ATOSA: variants seen among roughly 807,000 people sequenced by gnomAD.
The protein encoded by ATOSA is atos homolog protein A.
chr15:52,651,503 T>C, the ATOSA span, among the ~76,000 whole-genome samples: 1 of 152,224 alleles, frequency 6.6e-6, no homozygotes, highest in Non-Finnish European at 1.5e-5. Context: ...CAGCTTTAAT[T>C]TAAAAAATAC....
At chr15:52,679,752 TCGTCTCCTC>T in the ATOSA span, among the ~76,000 whole-genome samples, 44 of 141,594 alleles carry the variant, frequency 3.1e-4, 1 homozygote, top group Non-Finnish European at 5.9e-4. Flanking sequence ...ATTATAGTCG[TCGTCTCCTC>T]CTCCTCCTCC....
At chr15:52,664,666 C>A in the ATOSA span, among the ~76,000 whole-genome samples, 1 of 152,168 alleles carries the variant, frequency 6.6e-6, no homozygotes, top group Non-Finnish European at 1.5e-5. Flanking sequence ...CTAGAGTGTG[C>A]GCATGGTGGC....
the ATOSA span, among the ~76,000 whole-genome samples, chr15:52,632,008 T>C: frequency 6.6e-6 from 1 of 152,218 alleles, no homozygotes; most frequent in Non-Finnish European, 1.5e-5. Flanking sequence ...CCCAAAGTGC[T>C]GGGATTACAG....
the ATOSA span, among the ~76,000 whole-genome samples, chr15:52,655,014 C>T: frequency 1.3e-5 from 2 of 152,000 alleles, no homozygotes; most frequent in African/African-American, 4.8e-5. Flanking sequence ...TCTTTACGTA[C>T]TCTTCTCTGA....
At chr15:52,627,235 T>G in the ATOSA span, among the ~76,000 whole-genome samples, 1 of 152,182 alleles carries the variant, frequency 6.6e-6, no homozygotes, top group African/African-American at 2.4e-5. Flanking sequence ...AGGAGAAGGG[T>G]AGACAATTTA....
the ATOSA span, among the ~76,000 whole-genome samples, chr15:52,676,911 A>C: frequency 6.6e-6 from 1 of 152,332 alleles, no homozygotes; most frequent in East Asian, 1.9e-4. Context: ...TTGGCATTCT[A>C]CACAAGGAAC....
the ATOSA span, among the ~76,000 whole-genome samples, chr15:52,607,570 C>T: frequency 6.6e-6 from 1 of 152,180 alleles, no homozygotes; most frequent in Non-Finnish European, 1.5e-5. Flanking sequence ...TGTACAGCTA[C>T]TGGTATGTCA....
chr15:52,604,499 T>C, the ATOSA span, among the ~76,000 whole-genome samples: 3 of 152,252 alleles, frequency 2.0e-5, no homozygotes, highest in East Asian at 5.8e-4. Context: ...AATTTACTGC[T>C]TGCCTCAAGT....
chr15:52,685,458 G>A, the ATOSA span, among the ~76,000 whole-genome samples: 1 of 151,970 alleles, frequency 6.6e-6, no homozygotes, highest in Non-Finnish European at 1.5e-5. Context: ...TTCTAAAACA[G>A]GGTCTTGCTC....
chr15:52,618,198 C>T, the ATOSA span, among the ~76,000 whole-genome samples: 1 of 152,102 alleles, frequency 6.6e-6, no homozygotes, highest in Non-Finnish European at 1.5e-5. Context: ...ACCACCACGT[C>T]TGGCTAATTT....
the ATOSA span, chr15:52,648,928 G>A: frequency 2.0e-4 from 30 of 152,202 alleles, no homozygotes; most frequent in African/African-American, 7.0e-4. Context: ...GGAATCCAGT[G>A]AAGAAAGAAC....
the ATOSA span, among the ~76,000 whole-genome samples, chr15:52,621,585 G>A: frequency 6.6e-6 from 1 of 152,108 alleles, no homozygotes; most frequent in Non-Finnish European, 1.5e-5. Context: ...AACCATGGGG[G>A]TGGGTTTTTC....
chr15:52,624,134 T>C, the ATOSA span, among the ~76,000 whole-genome samples: 3 of 152,240 alleles, frequency 2.0e-5, no homozygotes, highest in African/African-American at 7.2e-5. Flanking sequence ...AGCTATTGTC[T>C]AGGACTCTAG....
the ATOSA span, among the ~76,000 whole-genome samples, chr15:52,673,275 T>C: frequency 6.6e-6 from 1 of 152,216 alleles, no homozygotes; most frequent in African/African-American, 2.4e-5. Context: ...TCACAATACT[T>C]ACCAAATACC....
the ATOSA span, among the ~76,000 whole-genome samples, chr15:52,695,238 A>G: frequency 2.5e-4 from 38 of 152,198 alleles, no homozygotes; most frequent in African/African-American, 8.7e-4. Context: ...ACTACTTTTT[A>G]AACATTAGTT....
At chr15:52,622,137 C>T in the ATOSA span, among the ~76,000 whole-genome samples, 3 of 152,116 alleles carry the variant, frequency 2.0e-5, no homozygotes, top group African/African-American at 4.8e-5. Flanking sequence ...TGAGCCACTG[C>T]GCCTGGCCTA....
At chr15:52,630,927 A>C in the ATOSA span, among the ~76,000 whole-genome samples, 1 of 152,236 alleles carries the variant, frequency 6.6e-6, no homozygotes, top group African/African-American at 2.4e-5. Context: ...TTTAAAAAAC[A>C]AGCTAAACAA....
At chr15:52,672,209 C>T in the ATOSA span, among the ~76,000 whole-genome samples, 315 of 119,348 alleles carry the variant, frequency 2.6e-3, 2 homozygotes, top group African/African-American at 8.9e-3. Context: ...ATTAGCCAGG[C>T]ATAGTGGCGT....
chr15:52,610,434 CTTA>C, the ATOSA span: 3 of 1,502,506 alleles, frequency 2.0e-6, no homozygotes, highest in Non-Finnish European at 2.7e-6. Context: ...AGGTTAGATC[CTTA>C]TTATTGTATA....
Sources: allele counts gnomAD v4.1 joint callset (sites outside exome capture counted in the v4.1 genomes callset), GRCh38; gene constraint gnomAD v4.1.1; transcripts MANE v1.5; gene names NCBI Gene and HGNC (gene_info 2026-07-23, HGNC 2026-07-21).